The following MYO10 variants were observed in gnomAD, a reference collection of about 807,000 sequenced individuals.
The protein encoded by MYO10 is unconventional myosin-X.
A neutral mutation model predicts 257.3 loss-of-function variants in MYO10; 133 were observed. That is an observed-to-expected ratio of 0.52 (90% CI 0.45 to 0.60). The LOEUF is 0.60. MYO10 is among the 20% of genes least tolerant of loss of function. The pLI, the probability that MYO10 is intolerant of heterozygous loss-of-function variation, is 0.00. For missense variants in MYO10, 2,399 were observed against 2,635.7 expected (o/e 0.91, Z 1.97); for synonymous variants, 1,104 against 1,028.6 (o/e 1.07, Z -1.40).
At chr5:16,776,358 G>A (rs995868057) in intron 9 of MYO10, among the ~76,000 whole-genome samples, 4 of 151,880 alleles carry the variant, frequency 2.6e-5, no homozygotes, top group South Asian at 2.1e-4. Context: ...AAAGAGTAAC[G>A]GGTTAAATTT....
At chr5:16,839,815 G>A (rs1197397498) in intron 2 of MYO10, among the ~76,000 whole-genome samples, 4 of 152,176 alleles carry the variant, frequency 2.6e-5, no homozygotes, top group Admixed American at 2.6e-4. Context: ...GCTAATGTAA[G>A]TGTTCTGAGG....
intron 5 of MYO10, among the ~76,000 whole-genome samples, chr5:16,783,061 A>G: frequency 6.6e-6 from 1 of 152,178 alleles, no homozygotes; most frequent in East Asian, 1.9e-4. Context: ...AAAACACATG[A>G]AGCTGGAGTC....
At chr5:16,711,852 G>A (rs1472614431) in intron 19 of MYO10, among the ~76,000 whole-genome samples, 1 of 151,812 alleles carries the variant, frequency 6.6e-6, no homozygotes, top group Non-Finnish European at 1.5e-5. Context: ...TATATGTCAT[G>A]TGTTAATATA....
intron 2 of MYO10, among the ~76,000 whole-genome samples, chr5:16,874,344 CGGGGG>C (rs61697249): frequency 3.9e-4 from 11 of 28,476 alleles, no homozygotes; most frequent in African/African-American, 1.1e-3. Context: ...AAAAAAAAAG[CGGGGG>C]GGGGGGGGGG....
chr5:16,696,772 C>G (rs977603172), intron 26 of MYO10, among the ~76,000 whole-genome samples: 1 of 151,314 alleles, frequency 6.6e-6, no homozygotes, highest in African/African-American at 2.4e-5. Context: ...AGAAGAATAG[C>G]TCAAACTTGG....
chr5:16,699,299 G>C, intron 26 of MYO10, 151 bp downstream of exon 26: 1 of 1,014,968 alleles, frequency 9.9e-7, no homozygotes, highest in Non-Finnish European at 1.4e-6. Context: ...CCAACACTGA[G>C]GTAAGGGTAG....
intron 1 of MYO10, among the ~76,000 whole-genome samples, chr5:16,888,217 T>C (rs900645375): frequency 2.0e-5 from 3 of 151,612 alleles, no homozygotes; most frequent in Non-Finnish European, 2.9e-5. Context: ...TAGGAAAGAG[T>C]GGACGGCATG....
At chr5:16,919,851 A>G (rs973975309) in intron 1 of MYO10, among the ~76,000 whole-genome samples, 3 of 152,104 alleles carry the variant, frequency 2.0e-5, no homozygotes, top group Non-Finnish European at 4.4e-5. Context: ...GGTGGCTCAC[A>G]CCTGTAATCC....
intron 16 of MYO10, 89 bp downstream of exon 16, chr5:16,761,956 C>T: frequency 2.3e-6 from 3 of 1,332,824 alleles, no homozygotes; most frequent in East Asian, 2.6e-5. Context: ...CATGCCCAGC[C>T]CAATAAATTC....
Position 16,671,572 on chromosome 5 carries a change from A to C in MYO10, c.5310-30T>G, listed in dbSNP as rs533975885. 1.2e-4 allele frequency: 186 copies of C among 1,613,712 alleles called. 1 individual carries two copies. Among genetic ancestry groups the C allele is most frequent in the Non-Finnish European group, 7.2e-5 (85 of 1,179,728 alleles). Reference sequence around the variant, plus strand: ...AGAGAGGAGTCAAGAGAGGCTCAGAATATGAACGAGAAGGGCCTTCAGTGA... The same window carrying C: ...AGAGAGGAGTCAAGAGAGGCTCAGACTATGAACGAGAAGGGCCTTCAGTGA... On this transcript the variant is annotated intron_variant, in intron 37 of 40. Coordinates refer to ENST00000513610, the MANE Select transcript of MYO10 (RefSeq NM_012334.3).
At chr5:16,825,563 A>G (rs919024693) in intron 2 of MYO10, among the ~76,000 whole-genome samples, 2 of 152,106 alleles carry the variant, frequency 1.3e-5, no homozygotes, top group South Asian at 4.1e-4. Flanking sequence ...CTCTCAGTTG[A>G]CTTCACGTTT....
intron 4 of MYO10, among the ~76,000 whole-genome samples, chr5:16,785,297 G>A (rs1003363860): frequency 2.0e-5 from 3 of 152,306 alleles, no homozygotes; most frequent in Admixed American, 6.5e-5. Context: ...GCTCGGCCCA[G>A]TGCCTGGCAC....
At chr5:16,821,443 C>CTTTTTTTTTTTT (rs571931909) in intron 2 of MYO10, among the ~76,000 whole-genome samples, 6 of 70,262 alleles carry the variant, frequency 8.5e-5, no homozygotes, top group African/African-American at 2.4e-4. Context: ...CTCCTATTTT[C>CTTTTTTTTTTTT]TTTTTTTTTT....
At chr5:16,672,294 C>CAAAAAGA (rs1736502679) in intron 37 of MYO10, among the ~76,000 whole-genome samples, 1 of 122,280 alleles carries the variant, frequency 8.2e-6, no homozygotes, top group African/African-American at 3.2e-5. Context: ...GACTCCATCT[C>CAAAAAGA]AAAAAAAAAA....
intron 9 of MYO10, 44 bp from the exon 10 acceptor site, chr5:16,769,247 A>T (rs1579970453): frequency 6.5e-7 from 1 of 1,528,670 alleles, no homozygotes; most frequent in East Asian, 2.4e-5. Context: ...GTTTTTTCAC[A>T]CTGAAGAAAA....
intron 19 of MYO10, among the ~76,000 whole-genome samples, chr5:16,711,731 C>T (rs1245120182): frequency 2.0e-5 from 3 of 151,534 alleles, no homozygotes; most frequent in South Asian, 4.2e-4. Flanking sequence ...GCAGTGATGG[C>T]GCCACTGCAC....
chr5:16,915,731 G>A (rs183253412), intron 1 of MYO10, among the ~76,000 whole-genome samples: 115 of 152,282 alleles, frequency 7.6e-4, no homozygotes, highest in African/African-American at 2.5e-3. Context: ...CAAGGCGGGC[G>A]GATCACCTAA....
At position 16,701,227 on chromosome 5, in the gene MYO10, T is replaced by C. The variant is rs1738042700; in HGVS notation, c.3168A>G (p.Ser1056=). 15 of 1,612,620 alleles carry C rather than the reference T, an allele frequency of 9.3e-6. No individual in the cohort carries two copies. Among genetic ancestry groups the C allele is most frequent in the Non-Finnish European group, 1.3e-5 (15 of 1,179,438 alleles). ...TGTGTAGGCTCCCGGAGTCCTGCACTGATGGGGCGAGCAGCACCGTGCTGT... is the reference window on the plus strand; with the variant it reads ...TGTGTAGGCTCCCGGAGTCCTGCACCGATGGGGCGAGCAGCACCGTGCTGT... The part of the protein sequence containing the change: ...SADSTVLLAP[S]VQDSGSLHNS... The change falls in exon 25 of 41, where the codon TCA becomes TCG. Residue 1056 remains serine, a synonymous_variant. Transcript: ENST00000513610. This position sits in a 1 kb window ranked among gnomAD's most constrained non-coding sequence, Gnocchi z 8.1.
At chr5:16,713,476 G>A in intron 19 of MYO10, 1 of 985,826 alleles carries the variant, frequency 1.0e-6, no homozygotes, top group Non-Finnish European at 1.2e-6. Context: ...TTTAAAAAGT[G>A]CCCGGTCGCC....
Sources: allele counts gnomAD v4.1 joint callset (sites outside exome capture counted in the v4.1 genomes callset), GRCh38; gene constraint gnomAD v4.1.1; non-coding constraint Gnocchi (gnomAD v3.1); transcripts MANE v1.5; gene names NCBI Gene and HGNC (gene_info 2026-07-23, HGNC 2026-07-21).